Variants in MUC17 observed in about 807,000 individuals in gnomAD.
The protein encoded by MUC17 is mucin 17, cell surface associated, also known as mucin-17.
Under a neutral mutation model 170.3 loss-of-function variants are expected in MUC17, and 190 were observed. The observed-to-expected ratio is 1.12, with a 90% CI of 0.99 to 1.26. MUC17 has a LOEUF of 1.26. MUC17 is among the 50% of genes most tolerant of loss of function. The probability of loss-of-function intolerance (pLI) is 0.00; values close to 1 mark genes in which losing one functional copy is unlikely to be tolerated. For synonymous variants in MUC17, 2,325 were observed against 2,002.5 expected (o/e 1.16, Z -4.30); for missense variants, 6,415 against 5,530.0 (o/e 1.16, Z -5.08).
Position 101,041,206 on chromosome 7 carries a change from C to T in MUC17, c.9790C>T (p.Pro3264Ser). The change falls in exon 3 of 13, where the codon CCC becomes TCC. Residue 3264 changes from proline to serine, a missense_variant. By Grantham distance (74) the Pro-to-Ser change is moderately conservative (BLOSUM62 -1). Transcript: ENST00000306151. ...TTSTEASSSP[P>S]TAEGTSMPTS... The stretch of plus-strand genomic sequence containing the variant: ...TTCTACTGAAGCCAGTTCATCTCCT[C>T]CCACTGCTGAAGGTACCAGCATGCC... 2 of 1,559,614 alleles carry T rather than the reference C, an allele frequency of 1.3e-6. No individual in the cohort carries two copies. Among genetic ancestry groups the T allele is most frequent in the African/African-American group, 3.1e-5 (2 of 63,994 alleles).
At position 101,031,644 on chromosome 7, in the gene MUC17, C is replaced by T. The variant is rs755764209; in HGVS notation, c.228C>T (p.Val76=). 9.6e-6 allele frequency: 15 copies of T among 1,561,260 alleles called. No individual in the cohort carries two copies. The South Asian group carries it at 1.1e-4, about 11-fold the overall frequency. ...CCACAGGTACAACATCTACAAATGT[C>T]GTGGAGCCAAGAATGTATTTGAGTT... ...NTATGTTSTN[V]VEPRMYLSCS... Residue 76 remains valine (V), a synonymous_variant, in exon 3 of 13, where the codon GTC becomes GTT. Coordinates refer to ENST00000306151, the MANE Select transcript of MUC17 (RefSeq NM_001040105.2).
At chr7:101,054,675 C>G (rs1795016850) in intron 11 of MUC17, among the ~76,000 whole-genome samples, 1 of 151,970 alleles carries the variant, frequency 6.6e-6, no homozygotes, top group African/African-American at 2.4e-5. Flanking sequence ...AAAAAATTAG[C>G]CAGGCACAGT....
rs140841221 is a variant in MUC17, at chr7:101,048,092, A to G, written c.12512A>G (p.Glu4171Gly). 68 of 1,603,330 alleles carry G rather than the reference A, an allele frequency of 4.2e-5. No individual in the cohort carries two copies. The highest frequency in any genetic ancestry group is 2.3e-5 in the East Asian group (1 of 43,856). The change falls in exon 4 of 13, where the codon GAG becomes GGG. Residue 4171 changes from glutamate (E) to glycine (G), a missense_variant. Glu to Gly is a moderately conservative substitution (Grantham distance 98). Coordinates refer to ENST00000306151, the MANE Select transcript of MUC17 (RefSeq NM_001040105.2). ...CTCTATTATGGGGAGTTGTGTGAGG[A>G]GGTGGTCAGCAGCATTGACATAGGT... The part of the protein sequence containing the change: ...PNLYYGELCE[E>G]VVSSIDIGPP...
chr7:101,034,317 T>A lies in MUC17; in HGVS notation c.2901T>A (p.Thr967=), dbSNP rs1348696237. Residue 967 remains threonine (T), a synonymous_variant, in exon 3 of 13, where the codon ACT becomes ACA. Coordinates refer to ENST00000306151, the MANE Select transcript of MUC17 (RefSeq NM_001040105.2). ...CTGAAGCCACTTCATCTCCTACAACTGCTGAAGGTACCAGCATACCAACCT... is the reference window on the plus strand; with the variant it reads ...CTGAAGCCACTTCATCTCCTACAACAGCTGAAGGTACCAGCATACCAACCT... ...TSTEATSSPT[T]AEGTSIPTST... The A allele has an allele frequency of 8.7e-6, 14 of 1,609,494 alleles. No individual in the cohort carries two copies. Among genetic ancestry groups the A allele is most frequent in the Non-Finnish European group, 1.2e-5 (14 of 1,178,348 alleles).
intron 1 of MUC17, among the ~76,000 whole-genome samples, chr7:101,027,005 C>T (rs1446027979): frequency 2.0e-5 from 3 of 152,050 alleles, no homozygotes; most frequent in Admixed American, 6.5e-5. Flanking sequence ...TGTGAGCCAT[C>T]ATGCCTGGCC....
rs1373179482 is a variant in MUC17 at position 101,033,219 on chromosome 7, G to A, written c.1803G>A (p.Val601=). The A allele has an allele frequency of 1.2e-6, 2 of 1,613,982 alleles. No individual in the cohort carries two copies. The highest frequency in any genetic ancestry group is 1.7e-5 in the Admixed American group (1 of 59,978). The change falls in exon 3 of 13, where the codon GTG becomes GTA. Residue 601 remains valine (V), a synonymous_variant. Coordinates refer to ENST00000306151, the MANE Select transcript of MUC17 (RefSeq NM_001040105.2). ...STTPADSNTF[V]TTSSEASSSS... ...CTCCTGCTGACTCCAACACTTTTGT[G>A]ACCACTTCTAGTGAAGCTAGTTCAT...
intron 11 of MUC17, among the ~76,000 whole-genome samples, chr7:101,054,566 T>G (rs1180240607): frequency 1.3e-5 from 2 of 152,144 alleles, no homozygotes; most frequent in Admixed American, 6.5e-5. Context: ...CAGTGGCTCA[T>G]GCTTACAGTC....
chr7:101,029,963 A>G lies in MUC17; in HGVS notation c.83-1157A>G, dbSNP rs371188056. On this transcript the variant is annotated intron_variant, in intron 1 of 12. Coordinates refer to ENST00000306151, the MANE Select transcript of MUC17 (RefSeq NM_001040105.2). ...TATGTGACTGTACATTGTATTTTCT[A>G]TTGAAGGACTTCAGTTGTCTGATTA... 4.6e-5 allele frequency among the ~76,000 whole-genome samples: 7 copies of G among 152,226 alleles called. No homozygotes were observed. The East Asian group carries it at 1.2e-3, about 25-fold the overall frequency.
Position 101,042,850 on chromosome 7 carries a change from A to T in MUC17, c.11434A>T (p.Arg3812Ter). ...CATGCCTATGTCAACTACGAGTGAA[A>T]GAAGCACTTTATTGACAACTGTCCT... ...TTMPMSTTSE[R>*]STLLTTVLIS... Residue 3812 changes from arginine to a stop codon, truncating the protein, a stop_gained, in exon 3 of 13, where the codon AGA becomes TGA. Transcript: ENST00000306151. LOFTEE classifies it high-confidence loss of function. The T allele has an allele frequency of 6.2e-7, 1 of 1,614,156 alleles. No individual in the cohort carries two copies. The highest frequency in any genetic ancestry group is 8.5e-7 in the Non-Finnish European group (1 of 1,180,028).
rs1794918932 is a variant in MUC17 at position 101,050,514 on chromosome 7, C to T, written c.12753C>T (p.Val4251=). The change falls in exon 7 of 13, where the codon GTC becomes GTT. Residue 4251 remains valine (V), a synonymous_variant. Transcript: ENST00000306151. The part of the protein sequence containing the change: ...RLGSVVVEHD[V]LLRTKYTPEY... ...GCAGTGTGGTGGTGGAGCATGACGTCCTCCTAAGAACCAAGTACACACCAG... is the reference window on the plus strand; with the variant it reads ...GCAGTGTGGTGGTGGAGCATGACGTTCTCCTAAGAACCAAGTACACACCAG... 2.5e-6 allele frequency: 4 copies of T among 1,613,894 alleles called. No individual in the cohort carries two copies. Among genetic ancestry groups the T allele is most frequent in the South Asian group, 1.1e-5 (1 of 91,038 alleles).
chr7:101,032,240 C>T lies in MUC17; in HGVS notation c.824C>T (p.Thr275Ile), dbSNP rs756698274. The change falls in exon 3 of 13, where the codon ACT (threonine) becomes ATT (isoleucine). Residue 275 changes from threonine (T) to isoleucine (I), a missense_variant. Physicochemically the swap from Thr to Ile is moderately conservative, Grantham distance 89. Coordinates refer to ENST00000306151, the MANE Select transcript of MUC17 (RefSeq NM_001040105.2). ...LSNSAPSGGS[T>I]PLTRMPLSVM... ...AACTCAGCTCCTAGTGGAGGAAGCA[C>T]TCCATTAACAAGAATGCCTCTCAGC... 5.6e-6 allele frequency: 9 copies of T among 1,614,090 alleles called. No individual in the cohort carries two copies. The highest frequency in any genetic ancestry group is 1.3e-5 in the African/African-American group (1 of 75,060).
rs79565573 is a variant in MUC17, at chr7:101,036,970, G to C, written c.5554G>C (p.Ala1852Pro). ...STAVSSSPTP[A>P]EGTSIATSTP... ...AGCAGTCAGTTCATCTCCTACACCT[G>C]CTGAAGGTACCAGCATAGCAACCTC... Residue 1852 changes from alanine (A) to proline (P), a missense_variant, in exon 3 of 13, where the codon GCT (alanine) becomes CCT (proline). Physicochemically the swap from Ala to Pro is conservative, Grantham distance 27. Transcript: ENST00000306151. 2.1e-6 allele frequency: 3 copies of C among 1,457,416 alleles called. No individual in the cohort carries two copies. In the African/African-American group the frequency reaches 5.5e-5, roughly 27 times the overall value. The allele number at this position is 1,457,416 out of a possible 1,614,324, so 90.3% of individuals were successfully genotyped here. A position where few individuals can be genotyped will look rare whatever the true frequency, so the allele number is the denominator to read the frequency against.
Position 101,033,380 on chromosome 7 carries a change from A to T in MUC17, c.1964A>T (p.Asp655Val). 6.2e-7 allele frequency: 1 copy of T among 1,613,628 alleles called. No individual in the cohort carries two copies. The highest frequency in any genetic ancestry group is 8.5e-7 in the Non-Finnish European group (1 of 1,179,864). Residue 655 changes from aspartate to valine, a missense_variant, in exon 3 of 13, where the codon GAC (aspartate) becomes GTC (valine). Coordinates refer to ENST00000306151, the MANE Select transcript of MUC17 (RefSeq NM_001040105.2). Reference protein sequence around the residue: ...EASTLSTTPVDSNTPVTTSTE... With the variant: ...EASTLSTTPVVSNTPVTTSTE... Reference sequence around the variant, plus strand: ...AGCACCCTTTCAACAACTCCTGTTGACTCCAACACTCCTGTGACCACTTCA... The same window carrying T: ...AGCACCCTTTCAACAACTCCTGTTGTCTCCAACACTCCTGTGACCACTTCA...
chr7:101,032,925 C>G lies in MUC17; in HGVS notation c.1509C>G (p.Thr503=). 7.4e-6 allele frequency: 12 copies of G among 1,614,128 alleles called. No individual in the cohort carries two copies. Among genetic ancestry groups the G allele is most frequent in the Non-Finnish European group, 9.3e-6 (11 of 1,180,014 alleles). Residue 503 remains threonine, a synonymous_variant, in exon 3 of 13, where the codon ACC becomes ACG. Transcript: ENST00000306151. ...CTGCTGAAGTTAACAGCATGCCAAC[C>G]TCAACTCCTAGTGAAGGAAGCACTC... is the stretch of plus-strand genomic sequence containing the variant. ...PPTAEVNSMP[T]STPSEGSTPL...
rs760081515 is a variant in MUC17, at chr7:101,041,103, C to T, written c.9687C>T (p.Val3229=). The change falls in exon 3 of 13, where the codon GTC becomes GTT. Residue 3229 remains valine, a synonymous_variant. Coordinates refer to ENST00000306151, the MANE Select transcript of MUC17 (RefSeq NM_001040105.2). ...EGMTPLTSVP[V]SNTPVASSEA... is the part of the protein sequence containing the mutation. The stretch of plus-strand genomic sequence containing the variant: ...TGACTCCATTAACTAGTGTACCTGT[C>T]AGCAACACGCCGGTGGCCAGTTCTG... The T allele has an allele frequency of 1.9e-6, 3 of 1,613,642 alleles. No homozygotes were observed. The highest frequency in any genetic ancestry group is 2.5e-6 in the Non-Finnish European group (3 of 1,179,922).
At position 101,043,736 on chromosome 7, in the gene MUC17, C is replaced by A. The variant is rs150141937; in HGVS notation, c.12320C>A (p.Thr4107Lys). Residue 4107 changes from threonine (T) to lysine (K), a missense_variant, in exon 3 of 13, where the codon ACG (threonine) becomes AAG (lysine). Thr to Lys is a moderately conservative substitution (Grantham distance 78). Coordinates refer to ENST00000306151, the MANE Select transcript of MUC17 (RefSeq NM_001040105.2). ...KPSTRTTSFP[T>K]VTTTAVPTNT... ...AGCACACGGACCACTTCCTTCCCCA[C>A]GGTGACCACCACCGCTGTCCCCACG... is the stretch of plus-strand genomic sequence containing the variant. The A allele has an allele frequency of 3.7e-6, 6 of 1,614,160 alleles. No homozygotes were observed. Among genetic ancestry groups the A allele is most frequent in the Non-Finnish European group, 5.1e-6 (6 of 1,180,028 alleles).
At position 101,042,626 on chromosome 7, in the gene MUC17, CTCTTG is replaced by C. The variant is rs749214682; in HGVS notation, c.11211_11215del (p.Leu3738GlnfsTer31). The C allele has an allele frequency of 4.8e-5, 77 of 1,614,016 alleles. No homozygotes were observed. Among genetic ancestry groups the C allele is most frequent in the Non-Finnish European group, 1.2e-5 (14 of 1,180,054 alleles). ...ACTGAAGCCATTTCATCTTCTGCAA[CTCTTG>C]ACAGCACCACCATGTCTGTGTCAAT... On this transcript the variant is annotated frameshift_variant, in exon 3 of 13. Coordinates refer to ENST00000306151, the MANE Select transcript of MUC17 (RefSeq NM_001040105.2). LOFTEE classifies it high-confidence loss of function.
chr7:101,051,480 C>T, intron 7 of MUC17, 133 bp from the exon 8 acceptor site: 1 of 745,738 alleles, frequency 1.3e-6, no homozygotes, highest in Non-Finnish European at 2.2e-6. Flanking sequence ...GCTGATGCTG[C>T]CCCTCTGCCG....
rs1201839133 is a variant in MUC17, at chr7:101,043,270, G to T, written c.11854G>T (p.Asp3952Tyr). 2 of 1,614,006 alleles carry T rather than the reference G, an allele frequency of 1.2e-6. No individual in the cohort carries two copies. Among genetic ancestry groups the T allele is most frequent in the African/African-American group, 2.7e-5 (2 of 74,894 alleles). ...CACTCCTGTCACCAGTTCTACTGCT[G>T]ATGTCTTTCCTGCAACAACTGGTGC... ...PSTPVTSSTA[D>Y]VFPATTGAVS... Residue 3952 changes from aspartate to tyrosine, a missense_variant, in exon 3 of 13, where the codon GAT becomes TAT. Coordinates refer to ENST00000306151, the MANE Select transcript of MUC17 (RefSeq NM_001040105.2).
Sources: gnomAD v4.1 joint callset for allele counts (sites outside exome capture counted in the v4.1 genomes callset) on GRCh38, gnomAD v4.1.1 for gene constraint, MANE v1.5 for transcripts, NCBI Gene and HGNC (gene_info 2026-07-23, HGNC 2026-07-21) for gene names.